DAPK1: variants seen among roughly 807,000 people sequenced by gnomAD.
DAPK1 encodes the protein death-associated protein kinase 1.
In DAPK1, 56 loss-of-function variants were observed where a neutral mutation model predicts 144.9. The observed-to-expected ratio is 0.39, with a 90% CI of 0.31 to 0.48. The LOEUF is 0.48. Among genes scored for constraint, DAPK1 ranks in the 20% least tolerant of loss-of-function variants. The pLI is 0.95. For missense variants in DAPK1, 1,454 were observed against 1,875.4 expected, an observed-to-expected ratio of 0.78 and a Z score of 4.15; for synonymous variants, 690 against 749.0, an observed-to-expected ratio of 0.92 and a Z score of 1.29.
chr9:87,684,243 C>A (rs1336267770), intron 20 of DAPK1, among the ~76,000 whole-genome samples: 1 of 152,216 alleles, frequency 6.6e-6, no homozygotes, highest in East Asian at 1.9e-4. Context: ...ACCCGAGGAA[C>A]TGCCGCTCCT....
intron 2 of DAPK1, among the ~76,000 whole-genome samples, chr9:87,540,902 C>T (rs545189907): frequency 1.3e-5 from 2 of 152,256 alleles, no homozygotes; most frequent in South Asian, 2.1e-4. Context: ...TCTCTTTCCC[C>T]GAGTTCATCT....
chr9:87,676,596 G>T (rs1217321313), intron 19 of DAPK1, among the ~76,000 whole-genome samples: 1 of 152,224 alleles, frequency 6.6e-6, no homozygotes, highest in Non-Finnish European at 1.5e-5. Flanking sequence ...CAAGATGATG[G>T]TGAATTCTGT....
chr9:87,638,177 A>G (rs1364135900), intron 4 of DAPK1, 96 bp downstream of exon 4: 7 of 1,305,714 alleles, frequency 5.4e-6, no homozygotes, highest in Non-Finnish European at 7.3e-6. Flanking sequence ...AAAGAGTTAC[A>G]TGATTTTCCT....
intron 2 of DAPK1, among the ~76,000 whole-genome samples, chr9:87,512,858 C>T (rs112659287): frequency 0.18 from 27,700 of 152,014 alleles, 3,013 homozygotes; most frequent in East Asian, 0.42. Context: ...CCAGGCTGGT[C>T]TCGAACTCCT....
rs1398458862 is a variant in DAPK1 at position 87,686,973 on chromosome 9, G to A, written c.2413+234G>A. ...TAGTAAAGCACTTGGCATACAGTAA[G>A]TGCTTGATAAATGACTGTGGAGTAA... On this transcript the variant is annotated intron_variant, in intron 21 of 25. Coordinates refer to ENST00000408954, the MANE Select transcript of DAPK1 (RefSeq NM_004938.4). The surrounding 1 kb of genome is among the most constrained non-coding windows in gnomAD (Gnocchi z 4.2). 3.3e-6 allele frequency: 1 copy of A among 304,846 alleles called. No homozygotes were observed. The highest frequency in any genetic ancestry group is 6.5e-5 in the Admixed American group (1 of 15,450). 18.9% of individuals were successfully genotyped at this position (304,846 alleles called of 1,614,324 possible). A position where few individuals can be genotyped will look rare whatever the true frequency, so the allele number is the denominator to read the frequency against.
At chr9:87,525,504 G>A in intron 2 of DAPK1, 4 of 1,278,238 alleles carry the variant, frequency 3.1e-6, no homozygotes, top group Non-Finnish European at 4.6e-6. Context: ...ATTATCCAAG[G>A]CATATACTCA....
At chr9:87,546,495 G>A (rs887173217) in intron 2 of DAPK1, among the ~76,000 whole-genome samples, 3 of 152,140 alleles carry the variant, frequency 2.0e-5, no homozygotes, top group Non-Finnish European at 2.9e-5. Context: ...CTCTGAATTG[G>A]TTGGGTCTGC....
chr9:87,669,549 AT>A (rs199697774), intron 19 of DAPK1, among the ~76,000 whole-genome samples: 2 of 152,096 alleles, frequency 1.3e-5, no homozygotes, highest in Non-Finnish European at 2.9e-5. Flanking sequence ...AATGGTAATC[AT>A]TTTTTTAAAA....
rs1350992212 is a variant in DAPK1 at position 87,637,296 on chromosome 9, G to A, written c.285-647G>A. On this transcript the variant is annotated intron_variant, in intron 3 of 25. Transcript: ENST00000408954. ...TTTAGTAGAGACGGTGTTTCTCCAT[G>A]TTGGCCAGGATGGTCTCGATCTCTT... Among the ~76,000 whole-genome samples, 8 of 152,118 alleles carry A rather than the reference G, an allele frequency of 5.3e-5. No homozygotes were observed. In the East Asian group the frequency reaches 1.4e-3, roughly 26 times the overall value.
intron 3 of DAPK1, among the ~76,000 whole-genome samples, chr9:87,613,884 C>G (rs571099707): frequency 4.5e-4 from 69 of 152,310 alleles, no homozygotes; most frequent in Non-Finnish European, 7.2e-4. Context: ...GAGCTCGAGC[C>G]AGCTCTTTTG....
intron 21 of DAPK1, among the ~76,000 whole-genome samples, chr9:87,687,351 T>A (rs546200106): frequency 6.6e-6 from 1 of 152,308 alleles, no homozygotes; most frequent in East Asian, 1.9e-4. Context: ...TAAAATCAAC[T>A]TTTTTAGCTC....
intron 21 of DAPK1, among the ~76,000 whole-genome samples, chr9:87,692,939 G>GT (rs139353828): frequency 0.012 from 1,194 of 99,082 alleles, 34 homozygotes; most frequent in African/African-American, 0.04. Flanking sequence ...GCGTTCCCTT[G>GT]TAAGTGACTA....
intron 23 of DAPK1, among the ~76,000 whole-genome samples, chr9:87,699,377 G>A (rs1008325113): frequency 6.6e-5 from 10 of 152,154 alleles, no homozygotes; most frequent in African/African-American, 2.4e-4. Flanking sequence ...ACCTACTAGT[G>A]AGTCTTAAAA....
chr9:87,531,929 G>A (rs1250791483), intron 2 of DAPK1, among the ~76,000 whole-genome samples: 1 of 152,158 alleles, frequency 6.6e-6, no homozygotes, highest in Non-Finnish European at 1.5e-5. Flanking sequence ...TGTGTTCTAG[G>A]AAATGCTTAA....
At position 87,579,383 on chromosome 9, in the gene DAPK1, A is replaced by G. The variant is rs36204439; in HGVS notation, c.63-25571A>G. Among the ~76,000 whole-genome samples the G allele has an allele frequency of 4.3e-4, 65 of 152,270 alleles. No individual in the cohort carries two copies. The Middle Eastern group carries it at 0.01, about 24-fold the overall frequency. On this transcript the variant is annotated intron_variant, in intron 2 of 25. Transcript: ENST00000408954. ...AGGAAGAGCACATTTCCACCCTTTC[A>G]TTTAACATCTTGCAGTCATCCTAGC...
At chr9:87,620,560 T>TAGGGGG (rs763056028) in intron 3 of DAPK1, among the ~76,000 whole-genome samples, 6 of 83,136 alleles carry the variant, frequency 7.2e-5, no homozygotes, top group Admixed American at 2.8e-4. Flanking sequence ...AGAGAAGGAG[T>TAGGGGG]AGGGGGAGGG....
chr9:87,701,720 A>ATT (rs59185381), intron 24 of DAPK1: 29 of 245,130 alleles, frequency 1.2e-4, no homozygotes, highest in African/African-American at 4.2e-4. Context: ...CTCTGGGTGT[A>ATT]TTTTTTTTTT....
At chr9:87,623,634 G>C (rs1286891163) in intron 3 of DAPK1, among the ~76,000 whole-genome samples, 1 of 152,142 alleles carries the variant, frequency 6.6e-6, no homozygotes, top group Admixed American at 6.5e-5. Context: ...GACGCTATGG[G>C]CTAGAGGGTG....
intron 21 of DAPK1, among the ~76,000 whole-genome samples, chr9:87,694,493 G>A (rs922589266): frequency 1.3e-5 from 2 of 152,238 alleles, no homozygotes; most frequent in Admixed American, 1.3e-4. Flanking sequence ...GGAGGCAGTG[G>A]CTGCACTGTG....
Sources: allele counts gnomAD v4.1 joint callset (sites outside exome capture counted in the v4.1 genomes callset), GRCh38; gene constraint gnomAD v4.1.1; non-coding constraint Gnocchi (gnomAD v3.1); transcripts MANE v1.5; gene names NCBI Gene and HGNC (gene_info 2026-07-23, HGNC 2026-07-21).